SLC12A2: variants seen among roughly 807,000 people sequenced by gnomAD.
The protein encoded by SLC12A2 is Na-K-2Cl cotransporter 1.
A neutral mutation model predicts 136.3 loss-of-function variants in SLC12A2; 67 were observed. The observed-to-expected ratio is 0.49, with a 90% CI of 0.40 to 0.60. The LOEUF (loss-of-function observed/expected upper bound fraction) is 0.60. SLC12A2 is among the 20% of genes least tolerant of loss of function. SLC12A2 has a pLI of 0.00. For synonymous variants in SLC12A2, 619 were observed against 562.9 expected, an observed-to-expected ratio of 1.10 and a Z score of -1.41; for missense variants, 1,322 against 1,534.7, an observed-to-expected ratio of 0.86 and a Z score of 2.32.
At chr5:128,087,935 T>C (rs1760159860) in intron 1 of SLC12A2, among the ~76,000 whole-genome samples, 1 of 151,964 alleles carries the variant, frequency 6.6e-6, no homozygotes, top group African/African-American at 2.4e-5. Flanking sequence ...GAGAAGTTTG[T>C]ATTTGAGGCT....
intron 10 of SLC12A2, among the ~76,000 whole-genome samples, chr5:128,142,589 T>A (rs1762408946): frequency 6.6e-6 from 1 of 152,146 alleles, no homozygotes; most frequent in South Asian, 2.1e-4. Context: ...GTGTACTGTT[T>A]TAGAAAGCAT....
At chr5:128,110,258 T>C in intron 1 of SLC12A2, 1 of 808,876 alleles carries the variant, frequency 1.2e-6, no homozygotes, top group Non-Finnish European at 2.2e-6. Context: ...CTTTTCCTGG[T>C]GTGGCTCCAC....
chr5:128,139,013 T>G, intron 9 of SLC12A2, 105 bp downstream of exon 9: 1 of 797,204 alleles, frequency 1.3e-6, no homozygotes, highest in Non-Finnish European at 2.0e-6. Flanking sequence ...TACAGAAATA[T>G]TTCAATAAAA....
rs879225884 is a variant in SLC12A2, at chr5:128,184,786, C to G, written c.3436-3C>G. The stretch of plus-strand genomic sequence containing the variant: ...TAGGAATGACTGTCCTGTTTCATTT[C>G]AGACATACCGGCAGATCAGGTTAAA... On this transcript the variant is annotated splice_region_variant and splice_polypyrimidine_tract_variant and intron_variant, in intron 25 of 26. Coordinates refer to ENST00000262461, the MANE Select transcript of SLC12A2 (RefSeq NM_001046.3). The G allele has an allele frequency of 6.2e-7, 1 of 1,610,858 alleles. No homozygotes were observed. Among genetic ancestry groups the G allele is most frequent in the Non-Finnish European group, 8.5e-7 (1 of 1,177,364 alleles).
chr5:128,121,600 G>C (rs970568936), intron 4 of SLC12A2, among the ~76,000 whole-genome samples: 2 of 152,136 alleles, frequency 1.3e-5, no homozygotes, highest in African/African-American at 4.8e-5. Context: ...GGGATTACAG[G>C]CTTGAGACAC....
At chr5:128,144,916 T>G (rs1762481658) in intron 10 of SLC12A2, among the ~76,000 whole-genome samples, 1 of 152,192 alleles carries the variant, frequency 6.6e-6, no homozygotes, top group South Asian at 2.1e-4. Flanking sequence ...ATTAGACTTT[T>G]GTCTTTTTTT....
intron 1 of SLC12A2, among the ~76,000 whole-genome samples, chr5:128,085,834 G>GT (rs1237963014): frequency 1.3e-5 from 2 of 152,174 alleles, no homozygotes; most frequent in Non-Finnish European, 2.9e-5. Context: ...TCACACAGAG[G>GT]TAATTACAGA....
In SLC12A2 at chr5:128,083,792, G is replaced by A. The variant is rs954702069; in HGVS notation, c.-163G>A. 4 of 455,062 alleles carry A rather than the reference G, an allele frequency of 8.8e-6. No homozygotes were observed. The highest frequency in any genetic ancestry group is 1.1e-4 in the South Asian group (1 of 8,734). 28.2% of individuals were successfully genotyped at this position (455,062 alleles called of 1,614,324 possible). A position where few individuals can be genotyped will look rare whatever the true frequency, so the allele number is the denominator to read the frequency against. ...CACTCGCGCGCTCGCTCGGCTGCCGGTGGCCTCTGTGGCCGTCCAGGCTAG... is the reference window on the plus strand; with the variant it reads ...CACTCGCGCGCTCGCTCGGCTGCCGATGGCCTCTGTGGCCGTCCAGGCTAG... On this transcript the variant is annotated 5_prime_UTR_variant, in exon 1 of 27. The change creates a new upstream start codon in the 5' untranslated region. Coordinates refer to ENST00000262461, the MANE Select transcript of SLC12A2 (RefSeq NM_001046.3).
At chr5:128,113,714 A>G (rs1312824186) in intron 2 of SLC12A2, among the ~76,000 whole-genome samples, 2 of 152,116 alleles carry the variant, frequency 1.3e-5, no homozygotes, top group Non-Finnish European at 2.9e-5. Flanking sequence ...AAAACTGAAA[A>G]TAAATAGGGG....
At chr5:128,152,527 A>T (rs1164682677) in intron 14 of SLC12A2, among the ~76,000 whole-genome samples, 179 bp from the exon 15 acceptor site, 1 of 152,254 alleles carries the variant, frequency 6.6e-6, no homozygotes, top group African/African-American at 2.4e-5. Flanking sequence ...AATGAATTAT[A>T]GTTCAGATTA....
intron 15 of SLC12A2, among the ~76,000 whole-genome samples, chr5:128,156,546 A>G (rs983757518): frequency 1.3e-5 from 2 of 152,214 alleles, no homozygotes; most frequent in Non-Finnish European, 2.9e-5. Context: ...TAGGGGCTAC[A>G]AGTTAATTTC....
At chr5:128,163,762 TGTA>T (rs1001557098) in intron 17 of SLC12A2, among the ~76,000 whole-genome samples, 37 of 152,268 alleles carry the variant, frequency 2.4e-4, no homozygotes, top group African/African-American at 5.1e-4. Flanking sequence ...ATTTTAAAAA[TGTA>T]GTAAATTTTA....
chr5:128,117,044 T>G (rs560276145), intron 4 of SLC12A2, among the ~76,000 whole-genome samples: 115 of 152,326 alleles, frequency 7.5e-4, no homozygotes, highest in African/African-American at 2.7e-3. Context: ...TATTTTTTAG[T>G]TTTTTCCATT....
chr5:128,155,976 C>T (rs1227792751), intron 15 of SLC12A2, among the ~76,000 whole-genome samples: 2 of 152,120 alleles, frequency 1.3e-5, no homozygotes, highest in African/African-American at 2.4e-5. Flanking sequence ...TAGCTTACTT[C>T]TGCCCCTAGC....
chr5:128,084,824 T>C lies in SLC12A2; in HGVS notation c.756+114T>C, dbSNP rs1760025483. 8.6e-7 allele frequency: 1 copy of C among 1,160,112 alleles called. No homozygotes were observed. 71.9% of individuals were successfully genotyped at this position (1,160,112 alleles called of 1,614,324 possible). ...GCGGGAGTAGTAGACGTGCACGACT[T>C]GCTGGCATCTCTGGATTCAGCTGTC... On this transcript the variant is annotated intron_variant, in intron 1 of 26. Coordinates refer to ENST00000262461, the MANE Select transcript of SLC12A2 (RefSeq NM_001046.3). This position sits in a 1 kb window ranked among gnomAD's most constrained non-coding sequence, Gnocchi z 5.6.
rs780776869 is a variant in SLC12A2 at position 128,147,625 on chromosome 5, A to T, written c.1777A>T (p.Met593Leu). 6.3e-7 allele frequency: 1 copy of T among 1,592,886 alleles called. No individual in the cohort carries two copies. The highest frequency in any genetic ancestry group is 1.3e-5 in the African/African-American group (1 of 74,340). ...ATTTTTGTCACTTTTATTTAAGGTAATGAGTATGGTGTCAGGATTTACACC... is the reference window on the plus strand; with the variant it reads ...ATTTTTGTCACTTTTATTTAAGGTATTGAGTATGGTGTCAGGATTTACACC... ...SYGLMNNFQVMSMVSGFTPLI... is the reference protein window; with the variant it reads ...SYGLMNNFQVLSMVSGFTPLI... The change falls in exon 11 of 27, where the codon ATG becomes TTG. Residue 593 changes from methionine (M) to leucine (L), a missense_variant. Physicochemically the swap from Met to Leu is conservative, Grantham distance 15. This residue lies in a region of SLC12A2 where 294 missense variants were observed against 436.6 expected (regional missense o/e 0.67). Coordinates refer to ENST00000262461, the MANE Select transcript of SLC12A2 (RefSeq NM_001046.3).
intron 2 of SLC12A2, among the ~76,000 whole-genome samples, chr5:128,113,886 C>T (rs1761248423): frequency 6.6e-6 from 1 of 152,142 alleles, no homozygotes. Flanking sequence ...GGAATATGCA[C>T]TACTTTTTTA....
chr5:128,100,787 A>G (rs1162191555), intron 1 of SLC12A2, among the ~76,000 whole-genome samples: 1 of 152,196 alleles, frequency 6.6e-6, no homozygotes, highest in Non-Finnish European at 1.5e-5. Context: ...TACAGTTACT[A>G]ATTGATACTG....
intron 4 of SLC12A2, among the ~76,000 whole-genome samples, chr5:128,115,284 C>G (rs975607786): frequency 3.3e-5 from 5 of 152,040 alleles, no homozygotes; most frequent in Admixed American, 3.3e-4. Context: ...ACCACCACGC[C>G]CGGCTAATTT....
Sources: gnomAD v4.1 joint callset for allele counts (sites outside exome capture counted in the v4.1 genomes callset) on GRCh38, gnomAD v4.1.1 for gene constraint, gnomAD v4.1.1 regional missense constraint, Gnocchi (gnomAD v3.1) non-coding constraint, MANE v1.5 for transcripts, NCBI Gene and HGNC (gene_info 2026-07-23, HGNC 2026-07-21) for gene names.